GSK3A: variants seen among roughly 807,000 people sequenced by gnomAD.
GSK3A encodes glycogen synthase kinase-3 alpha.
GSK3A carries 14 observed loss-of-function variants against 56.6 expected under a neutral mutation model. The observed-to-expected ratio is 0.25, with a 90% CI of 0.16 to 0.39. The LOEUF (loss-of-function observed/expected upper bound fraction) is 0.39. GSK3A is among the 10% of genes least tolerant of loss of function. GSK3A has a pLI of 1.00. For missense variants in GSK3A, 450 were observed against 656.0 expected (o/e 0.69, Z 3.43); for synonymous variants, 301 against 285.0 (o/e 1.06, Z -0.56).
chr19:42,232,356 G>C (rs776529020), intron 9 of GSK3A, 140 bp downstream of exon 9: 6 of 774,860 alleles, frequency 7.7e-6, no homozygotes, highest in Admixed American at 2.4e-5. Flanking sequence ...CCTGAATCTG[G>C]GAGTCATCTT....
rs147678251 is a variant in GSK3A, at chr19:42,232,515, G to C, written c.1266C>G (p.Leu422=). The change falls in exon 9 of 11, where the codon CTC becomes CTG. Residue 422 remains leucine, a synonymous_variant. Transcript: ENST00000222330. ...CCTCACCACCAGCACTGAAGTTGAA[G>C]AGAGGGGGAAGTGGGCGGTTGTTAG... ...QLPNNRPLPP[L]FNFSAGELSI... is the part of the protein sequence containing the mutation. 6.2e-7 allele frequency: 1 copy of C among 1,614,150 alleles called. No homozygotes were observed. Among genetic ancestry groups the C allele is most frequent in the Non-Finnish European group, 8.5e-7 (1 of 1,180,026 alleles).
intron 10 of GSK3A, among the ~76,000 whole-genome samples, chr19:42,231,552 G>A (rs1280235093): frequency 2.0e-5 from 3 of 151,984 alleles, no homozygotes; most frequent in South Asian, 2.1e-4. Flanking sequence ...GAGGCCAAGC[G>A]GGAAAATCAC....
intron 4 of GSK3A, among the ~76,000 whole-genome samples, 184 bp downstream of exon 4, chr19:42,236,422 T>G (rs2036257296): frequency 6.6e-6 from 1 of 152,090 alleles, no homozygotes. Context: ...AGGCCTTGCC[T>G]GCCTTGGCCC....
At chr19:42,231,030 G>A (rs1362477055) in intron 10 of GSK3A, among the ~76,000 whole-genome samples, 163 bp from the exon 11 acceptor site, 1 of 152,214 alleles carries the variant, frequency 6.6e-6, no homozygotes, top group Admixed American at 6.5e-5. Context: ...GGCCACGATA[G>A]TAACTGAGTG....
chr19:42,237,425 T>A (rs1267993149), intron 2 of GSK3A, among the ~76,000 whole-genome samples: 1 of 151,654 alleles, frequency 6.6e-6, no homozygotes, highest in African/African-American at 2.4e-5. Flanking sequence ...CCTGACCTCA[T>A]GATCCACAGG....
At chr19:42,240,548 G>A (rs1040432446) in intron 1 of GSK3A, 3 of 337,674 alleles carry the variant, frequency 8.9e-6, no homozygotes, top group African/African-American at 4.2e-5. Context: ...TTCCACTTCA[G>A]GGAGCAGTAA....
In GSK3A at chr19:42,242,391, G is replaced by A. The variant is rs1286663538; in HGVS notation, c.75C>T (p.Pro25=). 3 of 1,388,242 alleles carry A rather than the reference G, an allele frequency of 2.2e-6. No homozygotes were observed. Among genetic ancestry groups the A allele is most frequent in the African/African-American group, 1.5e-5 (1 of 65,648 alleles). 86.0% of individuals were successfully genotyped at this position (1,388,242 alleles called of 1,614,324 possible). Residue 25 remains proline (P), a synonymous_variant, in exon 1 of 11, where the codon CCC becomes CCT. Coordinates refer to ENST00000222330, the MANE Select transcript of GSK3A (RefSeq NM_019884.3). ...GRARTSSFAE[P]GGGGGGGGGG... ...CGCCGCCTCCTCCGCCTCCGCCGCC[G>A]GGCTCCGCGAACGAGCTAGTCCGCG...
Position 42,242,197 on chromosome 19 carries a change from C to A in GSK3A, c.269G>T (p.Gly90Val). The A allele has an allele frequency of 7.0e-7, 1 of 1,432,822 alleles. No individual in the cohort carries two copies. The highest frequency in any genetic ancestry group is 9.1e-7 in the Non-Finnish European group (1 of 1,097,356). 88.8% of individuals were successfully genotyped at this position (1,432,822 alleles called of 1,614,324 possible). A position where few individuals can be genotyped will look rare whatever the true frequency, so the allele number is the denominator to read the frequency against. The change falls in exon 1 of 11, where the codon GGG becomes GTG. Residue 90 changes from glycine to valine, a missense_variant. Around this residue, in one of 3 missense-constraint regions of GSK3A, gnomAD observed 193 missense variants for 200.5 expected, o/e 0.96. Coordinates refer to ENST00000222330, the MANE Select transcript of GSK3A (RefSeq NM_019884.3). ...CTAGTACTCACGGCCCAGCTTCACCCCGGGCGGCGGGAAGCTAGTGCCTGC... is the reference window on the plus strand; with the variant it reads ...CTAGTACTCACGGCCCAGCTTCACCACGGGCGGCGGGAAGCTAGTGCCTGC... ...PGAGTSFPPP[G>V]VKLGRDSGKV... is the part of the protein sequence containing the mutation.
At position 42,239,443 on chromosome 19, in the gene GSK3A, A is replaced by G. The variant is rs1568466794; in HGVS notation, c.471+512T>C. On this transcript the variant is annotated intron_variant, in intron 2 of 10. Transcript: ENST00000222330. ...GTTCCCTGAGCCTCTCCTAGCTCAC[A>G]GGGCACCTCCATTCCATTCTGCGCT... 2.0e-5 allele frequency among the ~76,000 whole-genome samples: 3 copies of G among 152,308 alleles called. 1 individual carries two copies. In the East Asian group the frequency reaches 5.8e-4, roughly 29 times the overall value.
Position 42,238,606 on chromosome 19 carries a change from C to CA in GSK3A, c.471+1348dup, listed in dbSNP as rs769150560. Among the ~76,000 whole-genome samples, 296 of 33,012 alleles carry CA rather than the reference C, an allele frequency of 9.0e-3. 15 individuals are homozygous for CA. The highest frequency in any genetic ancestry group is 0.011 in the African/African-American group (64 of 5,958). 21.7% of individuals were successfully genotyped at this position (33,012 alleles called of 152,430 possible). ...TGGGTGACAGCATGAGACTCCGTCT[C>CA]AAAAAAAAAAAAAAAAAAAAAAAAA... On this transcript the variant is annotated intron_variant, in intron 2 of 10. Transcript: ENST00000222330.
intron 3 of GSK3A, 50 bp from the exon 4 acceptor site, chr19:42,236,766 G>A (rs1486972860): frequency 1.3e-6 from 2 of 1,515,788 alleles, no homozygotes; most frequent in East Asian, 2.3e-5. Context: ...GAGTGAGGAG[G>A]GGGAAGGAAG....
Position 42,242,185 on chromosome 19 carries a change from C to T in GSK3A, c.281G>A (p.Gly94Asp). The change falls in exon 1 of 11, where the codon GGC becomes GAC. Residue 94 changes from glycine (G) to aspartate (D), a missense_variant and splice_region_variant. Coordinates refer to ENST00000222330, the MANE Select transcript of GSK3A (RefSeq NM_019884.3). The stretch of plus-strand genomic sequence containing the variant: ...ACACGGGCGCCACTAGTACTCACGG[C>T]CCAGCTTCACCCCGGGCGGCGGGAA... ...TSFPPPGVKL[G>D]RDSGKVTTVV... is the part of the protein sequence containing the mutation. 7.1e-7 allele frequency: 1 copy of T among 1,414,686 alleles called. No homozygotes were observed. The allele number at this position is 1,414,686 out of a possible 1,614,324, so 87.6% of individuals were successfully genotyped here. A position where few individuals can be genotyped will look rare whatever the true frequency, so the allele number is the denominator to read the frequency against.
Position 42,232,577 on chromosome 19 carries a change from A to G in GSK3A, c.1204T>C (p.Phe402Leu). The G allele has an allele frequency of 6.2e-7, 1 of 1,614,142 alleles. No individual in the cohort carries two copies. The highest frequency in any genetic ancestry group is 2.2e-5 in the East Asian group (1 of 44,878). ...LSPLEACAHS[F>L]FDELRCLGTQ... ...CCCAGACATCGCAGTTCATCAAAGA[A>G]GCTGTGCGCACAGGCCTCTAGTGGG... Residue 402 changes from phenylalanine (F) to leucine (L), a missense_variant, in exon 9 of 11, where the codon TTC becomes CTC. Physicochemically the swap from Phe to Leu is conservative, Grantham distance 22. Coordinates refer to ENST00000222330, the MANE Select transcript of GSK3A (RefSeq NM_019884.3).
intron 2 of GSK3A, among the ~76,000 whole-genome samples, chr19:42,239,260 C>T (rs1361636130): frequency 1.3e-5 from 2 of 152,224 alleles, no homozygotes; most frequent in Non-Finnish European, 2.9e-5. Context: ...CCTGGAGCTC[C>T]TCCTGCCCAA....
chr19:42,236,792 T>C (rs1477556509), intron 3 of GSK3A, 66 bp downstream of exon 3: 39 of 1,483,616 alleles, frequency 2.6e-5, no homozygotes, highest in Admixed American at 5.0e-5. Flanking sequence ...CAGGGAGCAG[T>C]GGGGGAAAGG....
At position 42,242,413 on chromosome 19, in the gene GSK3A, C is replaced by A; in HGVS notation, c.53G>T (p.Arg18Leu). The change falls in exon 1 of 11, where the codon CGG becomes CTG. Residue 18 changes from arginine (R) to leucine (L), a missense_variant. Arg to Leu is a moderately radical substitution (Grantham distance 102). This residue lies in a region of GSK3A where 193 missense variants were observed against 200.5 expected (regional missense o/e 0.96). Transcript: ENST00000222330. ...GGGPGGSGRA[R>L]TSSFAEPGGG... ...GCCGGGCTCCGCGAACGAGCTAGTC[C>A]GCGCCCTGCCCGAGCCCCCAGGGCC... The A allele has an allele frequency of 7.3e-7, 1 of 1,362,736 alleles. No homozygotes were observed. The highest frequency in any genetic ancestry group is 9.5e-7 in the Non-Finnish European group (1 of 1,057,326). The allele number at this position is 1,362,736 out of a possible 1,614,324, so 84.4% of individuals were successfully genotyped here.
chr19:42,232,651 A>G lies in GSK3A; in HGVS notation c.1130T>C (p.Ile377Thr). The change falls in exon 9 of 11, where the codon ATC becomes ACC. Residue 377 changes from isoleucine to threonine, a missense_variant. Ile to Thr is a moderately conservative substitution (Grantham distance 89, BLOSUM62 -1). Coordinates refer to ENST00000222330, the MANE Select transcript of GSK3A (RefSeq NM_019884.3). Reference sequence around the variant, plus strand: ...CTCCAGCAGGCTAGAGCAGAGCGCGATGGCCTCTGGCGGCGTTCGAGATTT... The same window carrying G: ...CTCCAGCAGGCTAGAGCAGAGCGCGGTGGCCTCTGGCGGCGTTCGAGATTT... ...VFKSRTPPEA[I>T]ALCSSLLEYT... is the part of the protein sequence containing the mutation. The G allele has an allele frequency of 1.1e-5, 18 of 1,600,122 alleles. No homozygotes were observed. The highest frequency in any genetic ancestry group is 1.5e-5 in the Non-Finnish European group (18 of 1,171,148).
Position 42,232,169 on chromosome 19 carries a change from TG to T in GSK3A, c.1286-21del, listed in dbSNP as rs2036228402. 6.9e-7 allele frequency: 1 copy of T among 1,454,960 alleles called. No homozygotes were observed. Among genetic ancestry groups the T allele is most frequent in the African/African-American group, 1.4e-5 (1 of 71,858 alleles). The allele number at this position is 1,454,960 out of a possible 1,614,324, so 90.1% of individuals were successfully genotyped here. ...AGAGTTCTAGAAACAGGAATTGACA[TG>T]CTAGTCAGGGTAGACTACAGCAGGG... On this transcript the variant is annotated intron_variant, in intron 9 of 10. Coordinates refer to ENST00000222330, the MANE Select transcript of GSK3A (RefSeq NM_019884.3).
Position 42,232,620 on chromosome 19 carries a change from G to C in GSK3A, c.1161C>G (p.Thr387=), listed in dbSNP as rs2036231507. ...IALCSSLLEY[T]PSSRLSPLEA... Reference sequence around the variant, plus strand: ...CTAGTGGGGAGAGCCTTGAGGATGGGGTGTACTCCAGCAGGCTAGAGCAGA... The same window carrying C: ...CTAGTGGGGAGAGCCTTGAGGATGGCGTGTACTCCAGCAGGCTAGAGCAGA... Residue 387 remains threonine, a synonymous_variant, in exon 9 of 11, where the codon ACC becomes ACG. Transcript: ENST00000222330. 1 of 1,613,270 alleles carries C rather than the reference G, an allele frequency of 6.2e-7. No individual in the cohort carries two copies. The highest frequency in any genetic ancestry group is 1.1e-5 in the South Asian group (1 of 91,006).
Sources: gnomAD v4.1 joint callset for allele counts (sites outside exome capture counted in the v4.1 genomes callset) on GRCh38, gnomAD v4.1.1 for gene constraint, gnomAD v4.1.1 regional missense constraint, MANE v1.5 for transcripts, NCBI Gene and HGNC (gene_info 2026-07-23, HGNC 2026-07-21) for gene names.